Variants in FKBP1B observed in about 807,000 individuals in gnomAD.
FKBP1B encodes the protein peptidyl-prolyl cis-trans isomerase FKBP1B.
FKBP1B carries 4 observed loss-of-function variants against 13.5 expected under a neutral mutation model. That is an observed-to-expected ratio of 0.30 (90% CI 0.15 to 0.68). FKBP1B has a LOEUF of 0.68. FKBP1B is among the 30% of genes least tolerant of loss of function. FKBP1B has a pLI of 0.76. For synonymous variants in FKBP1B, 54 were observed against 53.6 expected (o/e 1.01, Z -0.03); for missense variants, 93 against 136.2 (o/e 0.68, Z 1.58).
chr2:24,038,742 T>G, the FKBP1B span: 13 of 1,614,210 alleles, frequency 8.1e-6, no homozygotes, highest in South Asian at 1.2e-4. Flanking sequence ...CAATAACTGG[T>G]AAAGCATACG....
chr2:24,035,477 A>G, the FKBP1B span, among the ~76,000 whole-genome samples: 242 of 152,302 alleles, frequency 1.6e-3, 1 homozygote, highest in African/African-American at 5.7e-3. Flanking sequence ...TTTTTATTAA[A>G]ATACAGTTTT....
upstream of FKBP1B, among the ~76,000 whole-genome samples, chr2:24,047,763 G>A (rs1248353182): frequency 6.6e-6 from 1 of 152,184 alleles, no homozygotes; most frequent in Non-Finnish European, 1.5e-5. Context: ...TCAGGAAAAT[G>A]TTCTTATCTG....
chr2:24,037,589 C>T, the FKBP1B span: 22 of 1,356,884 alleles, frequency 1.6e-5, no homozygotes, highest in Non-Finnish European at 2.1e-5. Context: ...AGTTAGAGCA[C>T]CATCTTCCTC....
chr2:24,053,853 T>G lies in FKBP1B; in HGVS notation c.38-49T>G, dbSNP rs905066787. ...TCAGGATCATACTTAATGTCCCAGG[T>G]GTTTTTCCAATATCCTACTCCTTCA... On this transcript the variant is annotated intron_variant, in intron 1 of 3. Coordinates refer to ENST00000380986, the MANE Select transcript of FKBP1B (RefSeq NM_004116.5). The G allele has an allele frequency of 3.2e-6, 5 of 1,553,720 alleles. No individual in the cohort carries two copies. In the African/African-American group the frequency reaches 6.8e-5, roughly 21 times the overall value.
chr2:24,061,104 G>A (rs1336017008), intron 3 of FKBP1B, among the ~76,000 whole-genome samples, 178 bp downstream of exon 3: 1 of 152,050 alleles, frequency 6.6e-6, no homozygotes. Flanking sequence ...CCCTCTCCTT[G>A]CCAGCATACC....
intron 1 of FKBP1B, among the ~76,000 whole-genome samples, chr2:24,051,963 T>C (rs1663899095): frequency 6.6e-6 from 1 of 152,164 alleles, no homozygotes; most frequent in Non-Finnish European, 1.5e-5. Context: ...CATCTCAAGA[T>C]TGCCACCCGC....
chr2:24,057,371 TG>T (rs201215335), intron 2 of FKBP1B, among the ~76,000 whole-genome samples: 10 of 134,304 alleles, frequency 7.4e-5, no homozygotes, highest in South Asian at 5.1e-4. Flanking sequence ...AATTTTTTTT[TG>T]GTTTTTTTTT....
In FKBP1B at chr2:24,063,298, A is replaced by T; in HGVS notation, c.*106A>T. On this transcript the variant is annotated 3_prime_UTR_variant, in exon 4 of 4. Coordinates refer to ENST00000380986, the MANE Select transcript of FKBP1B (RefSeq NM_004116.5). The stretch of plus-strand genomic sequence containing the variant: ...TTTTGGGGCTCTTGATCAGTGTGCT[A>T]ACCTCACTGCCTCATGGCATCATCC... 9.3e-7 allele frequency: 1 copy of T among 1,073,596 alleles called. No homozygotes were observed. Among genetic ancestry groups the T allele is most frequent in the Non-Finnish European group, 1.3e-6 (1 of 770,272 alleles). The allele number at this position is 1,073,596 out of a possible 1,614,324, so 66.5% of individuals were successfully genotyped here. A position where few individuals can be genotyped will look rare whatever the true frequency, so the allele number is the denominator to read the frequency against.
the FKBP1B span, chr2:24,038,429 C>T: frequency 9.3e-6 from 15 of 1,614,148 alleles, no homozygotes; most frequent in Non-Finnish European, 1.3e-5. Flanking sequence ...TTGGAAGCCA[C>T]TGCCACTACG....
upstream of FKBP1B, among the ~76,000 whole-genome samples, chr2:24,045,218 G>A (rs1663574186): frequency 6.6e-6 from 1 of 152,204 alleles, no homozygotes; most frequent in African/African-American, 2.4e-5. Flanking sequence ...GATATAAGTA[G>A]TGAGGAGGAA....
At chr2:24,056,746 A>C (rs1211519171) in intron 2 of FKBP1B, among the ~76,000 whole-genome samples, 1 of 151,904 alleles carries the variant, frequency 6.6e-6, no homozygotes, top group Non-Finnish European at 1.5e-5. Flanking sequence ...GCTGGAGTGC[A>C]ATGGCGCAAT....
At chr2:24,054,584 C>G (rs981138745) in intron 2 of FKBP1B, 7 of 169,516 alleles carry the variant, frequency 4.1e-5, no homozygotes, top group African/African-American at 1.7e-4. Flanking sequence ...GTGGCAAACT[C>G]GATGACAGCC....
intron 2 of FKBP1B, among the ~76,000 whole-genome samples, chr2:24,056,035 G>T (rs191229948): frequency 6.6e-6 from 1 of 152,148 alleles, no homozygotes; most frequent in African/African-American, 2.4e-5. Flanking sequence ...TGTTGCCCAG[G>T]CTGGAGAGAA....
At chr2:24,055,513 C>T (rs898699528) in intron 2 of FKBP1B, among the ~76,000 whole-genome samples, 8 of 152,100 alleles carry the variant, frequency 5.3e-5, no homozygotes, top group Non-Finnish European at 1.0e-4. Flanking sequence ...TGGCTGGCAA[C>T]TATTACTCTG....
rs189441158 is a variant in FKBP1B, at chr2:24,059,000, T to C, written c.86-1814T>C. On this transcript the variant is annotated intron_variant, in intron 2 of 3. Coordinates refer to ENST00000380986, the MANE Select transcript of FKBP1B (RefSeq NM_004116.5). ...TTGTAGGAATTAGGAAGTAGCATCA[T>C]AGATGCTCCTACACTAAGCTGGCCC... is the stretch of plus-strand genomic sequence containing the variant. 1.4e-3 allele frequency among the ~76,000 whole-genome samples: 214 copies of C among 152,332 alleles called. 2 individuals carry two copies. The highest frequency in any genetic ancestry group is 4.3e-4 in the Non-Finnish European group (29 of 68,036).
At chr2:24,055,964 A>C (rs180831008) in intron 2 of FKBP1B, among the ~76,000 whole-genome samples, 1 of 151,990 alleles carries the variant, frequency 6.6e-6, no homozygotes, top group Non-Finnish European at 1.5e-5. Context: ...GTCCTCCCCA[A>C]CACTTGTTAT....
rs201316019 is a variant in FKBP1B, at chr2:24,059,374, G to GGGGC, written c.86-1437_86-1436insCGGG. On this transcript the variant is annotated intron_variant, in intron 2 of 3. Transcript: ENST00000380986. Reference sequence around the variant, plus strand: ...ACCAGAACTGCTGGACCAGCACCTGGGGGGGGGTTCTGGTTTCAAACAGCC... The same window carrying GGGGC: ...ACCAGAACTGCTGGACCAGCACCTGGGGGCGGGGGGGTTCTGGTTTCAAACAGCC... 4.8e-5 allele frequency among the ~76,000 whole-genome samples: 7 copies of GGGGC among 145,922 alleles called. 1 individual carries two copies. Among genetic ancestry groups the GGGGC allele is most frequent in the African/African-American group, 1.7e-4 (7 of 40,736 alleles).
rs1663820456 is a variant in FKBP1B at position 24,050,540 on chromosome 2, C to A, written c.37+654C>A. Among the ~76,000 whole-genome samples, 1 of 152,182 alleles carries A rather than the reference C, an allele frequency of 6.6e-6. No homozygotes were observed. The highest frequency in any genetic ancestry group is 1.5e-5 in the Non-Finnish European group (1 of 68,022). ...ACCTACGGCCGAACCTCTCCCTGGA[C>A]GTCCCAGGGTGCTCCCTGGTCAGCA... On this transcript the variant is annotated intron_variant, in intron 1 of 3. Coordinates refer to ENST00000380986, the MANE Select transcript of FKBP1B (RefSeq NM_004116.5). The surrounding 1 kb of genome is among the most constrained non-coding windows in gnomAD (Gnocchi z 5.8).
chr2:24,038,783 T>A, the FKBP1B span: 6 of 1,614,194 alleles, frequency 3.7e-6, no homozygotes, highest in Non-Finnish European at 5.1e-6. Context: ...GGTGGGATAT[T>A]AAAGGTTTCA....
Sources: gnomAD v4.1 joint callset for allele counts (sites outside exome capture counted in the v4.1 genomes callset) on GRCh38, gnomAD v4.1.1 for gene constraint, Gnocchi (gnomAD v3.1) non-coding constraint, MANE v1.5 for transcripts, NCBI Gene and HGNC (gene_info 2026-07-23, HGNC 2026-07-21) for gene names.